The following DDX31 variants were observed in gnomAD, a reference collection of about 807,000 sequenced individuals.
The protein encoded by DDX31 is DEAD-box helicase 31.
A neutral mutation model predicts 91.3 loss-of-function variants in DDX31; 70 were observed. The observed-to-expected ratio is 0.77, with a 90% CI of 0.63 to 0.94. DDX31 has a LOEUF of 0.94. Ranked by LOEUF, DDX31 falls within the 40% of genes least tolerant of loss-of-function variation. The pLI is 0.00. For synonymous variants in DDX31, 362 were observed against 350.6 expected, an observed-to-expected ratio of 1.03 and a Z score of -0.36; for missense variants, 902 against 925.0, an observed-to-expected ratio of 0.98 and a Z score of 0.32.
At chr9:132,612,356 G>T (rs1161315233) in intron 18 of DDX31, 101 bp from the exon 19 acceptor site, 3 of 1,361,526 alleles carry the variant, frequency 2.2e-6, no homozygotes, top group Non-Finnish European at 3.1e-6. Flanking sequence ...ATCTTGCCAG[G>T]CAACGAAACA....
At chr9:132,615,206 T>C (rs898673034) in intron 18 of DDX31, among the ~76,000 whole-genome samples, 4 of 152,200 alleles carry the variant, frequency 2.6e-5, no homozygotes, top group Non-Finnish European at 5.9e-5. Context: ...TTTTCAAGTA[T>C]CTCACATGGA....
chr9:132,626,129 A>T (rs1832375614), intron 16 of DDX31, among the ~76,000 whole-genome samples: 1 of 143,608 alleles, frequency 7.0e-6, no homozygotes, highest in African/African-American at 2.8e-5. Context: ...TTTAGTTTAT[A>T]CTGAAGAGGA....
chr9:132,610,267 C>T (rs986668738), intron 19 of DDX31, among the ~76,000 whole-genome samples: 2 of 152,210 alleles, frequency 1.3e-5, no homozygotes, highest in Non-Finnish European at 2.9e-5. Flanking sequence ...CTTTGGGCTG[C>T]AGCCCTGCTC....
intron 19 of DDX31, among the ~76,000 whole-genome samples, chr9:132,599,911 C>A (rs1301384769): frequency 1.3e-5 from 2 of 152,382 alleles, no homozygotes; most frequent in African/African-American, 4.8e-5. Context: ...ACCGTGAGGA[C>A]TTCAGGTGGC....
chr9:132,605,094 G>A (rs1004212968), intron 19 of DDX31, among the ~76,000 whole-genome samples: 15 of 152,094 alleles, frequency 9.9e-5, no homozygotes, highest in African/African-American at 3.4e-4. Context: ...CACCAGGCAG[G>A]GTTTGCTGTT....
At position 132,595,599 on chromosome 9, in the gene DDX31, A is replaced by G. The variant is rs1160934758; in HGVS notation, c.1995-487T>C. 1.3e-5 allele frequency among the ~76,000 whole-genome samples: 2 copies of G among 152,190 alleles called. No individual in the cohort carries two copies. Among genetic ancestry groups the G allele is most frequent in the African/African-American group, 4.8e-5 (2 of 41,448 alleles). ...GCGGGAGCAGAGTCCAGCAAGTTCC[A>G]CGCAGCCCTCCAGGGTTCCACAGTG... is the stretch of plus-strand genomic sequence containing the variant. On this transcript the variant is annotated intron_variant, in intron 19 of 19. Coordinates refer to ENST00000372159, the MANE Select transcript of DDX31 (RefSeq NM_022779.9). The surrounding 1 kb of genome is among the most constrained non-coding windows in gnomAD (Gnocchi z 4.6).
rs1424378156 is a variant in DDX31, at chr9:132,630,485, C to T, written c.1492-82G>A. ...GAAGTGCAATACTCCTCACCTGCCT[C>T]CAGGTATCCCAAGAATTAAATCCTG... On this transcript the variant is annotated intron_variant, in intron 15 of 19. Coordinates refer to ENST00000372159, the MANE Select transcript of DDX31 (RefSeq NM_022779.9). 3.0e-6 allele frequency: 4 copies of T among 1,328,278 alleles called. No individual in the cohort carries two copies. The East Asian group carries it at 7.4e-5, about 25-fold the overall frequency. 82.3% of individuals were successfully genotyped at this position (1,328,278 alleles called of 1,614,324 possible).
At chr9:132,654,614 A>T (rs143593206) in intron 6 of DDX31, among the ~76,000 whole-genome samples, 25 of 151,630 alleles carry the variant, frequency 1.6e-4, no homozygotes, top group African/African-American at 5.8e-4. Context: ...CTTCATCTCA[A>T]ACAAAACAAA....
At chr9:132,649,558 A>G (rs1834053836) in intron 9 of DDX31, among the ~76,000 whole-genome samples, 1 of 152,198 alleles carries the variant, frequency 6.6e-6, no homozygotes, top group South Asian at 2.1e-4. Flanking sequence ...GTGAAAGAAA[A>G]ATAAAACTTG....
intron 6 of DDX31, among the ~76,000 whole-genome samples, chr9:132,654,446 A>G (rs1834419031): frequency 6.6e-6 from 1 of 151,854 alleles, no homozygotes; most frequent in South Asian, 2.1e-4. Context: ...CCCTGTCTCT[A>G]CAGAAATACA....
intron 14 of DDX31, chr9:132,637,957 G>A: frequency 2.0e-6 from 2 of 1,011,112 alleles, no homozygotes; most frequent in Non-Finnish European, 2.4e-6. Flanking sequence ...TGGCACGGTG[G>A]AAATTCCCCA....
chr9:132,643,379 A>C (rs1335179543), intron 13 of DDX31, among the ~76,000 whole-genome samples: 1 of 152,208 alleles, frequency 6.6e-6, no homozygotes, highest in East Asian at 1.9e-4. Context: ...CAAACTACTC[A>C]AAATCTGGAA....
At position 132,625,666 on chromosome 9, in the gene DDX31, G is replaced by C; in HGVS notation, c.1711C>G (p.Gln571Glu). Residue 571 changes from glutamine (Q) to glutamate (E), a missense_variant and splice_region_variant, in exon 17 of 20, where the codon CAG becomes GAG. By Grantham distance (29) the Gln-to-Glu change is conservative. Coordinates refer to ENST00000372159, the MANE Select transcript of DDX31 (RefSeq NM_022779.9). The part of the protein sequence containing the change: ...DCFKGKRWGA[Q>E]KSHAVGPQEI... ...GCACAATAAATAACAAAACTCACCTGGGCTCCCCATCGTTTCCCTTTAAAA... is the reference window on the plus strand; with the variant it reads ...GCACAATAAATAACAAAACTCACCTCGGCTCCCCATCGTTTCCCTTTAAAA... 6.2e-7 allele frequency: 1 copy of C among 1,613,282 alleles called. No individual in the cohort carries two copies. The highest frequency in any genetic ancestry group is 8.5e-7 in the Non-Finnish European group (1 of 1,179,426).
Position 132,669,205 on chromosome 9 carries a change from TCTAG to T in DDX31, c.75+651_75+654del, listed in dbSNP as rs1256378570. ...ATTGGGAGGGCCTGGAAGAAAAAGA[TCTAG>T]CTATGTTAATAGAGATTCTTTGCAG... On this transcript the variant is annotated intron_variant, in intron 1 of 19. Coordinates refer to ENST00000372159, the MANE Select transcript of DDX31 (RefSeq NM_022779.9). 2.0e-5 allele frequency among the ~76,000 whole-genome samples: 3 copies of T among 152,162 alleles called. No individual in the cohort carries two copies. The East Asian group carries it at 5.8e-4, about 29-fold the overall frequency.
chr9:132,667,028 T>C (rs930680896), intron 1 of DDX31, among the ~76,000 whole-genome samples: 1 of 151,570 alleles, frequency 6.6e-6, no homozygotes, highest in Admixed American at 6.6e-5. Flanking sequence ...TTTGTATTTT[T>C]AGTAGAGATG....
chr9:132,638,283 T>G (rs1004297468), intron 14 of DDX31: 4 of 1,610,348 alleles, frequency 2.5e-6, no homozygotes, highest in Non-Finnish European at 3.4e-6. Flanking sequence ...GGCCATTCGG[T>G]GGTACTTCTT....
chr9:132,595,576 G>A lies in DDX31; in HGVS notation c.1995-464C>T, dbSNP rs1473460065. Among the ~76,000 whole-genome samples the A allele has an allele frequency of 7.2e-5, 11 of 152,206 alleles. No individual in the cohort carries two copies. The highest frequency in any genetic ancestry group is 2.2e-4 in the African/African-American group (9 of 41,464). On this transcript the variant is annotated intron_variant, in intron 19 of 19. Transcript: ENST00000372159. This position sits in a 1 kb window ranked among gnomAD's most constrained non-coding sequence, Gnocchi z 4.6. Reference sequence around the variant, plus strand: ...TGAGGGCTTCAGGACTCAGCCCTGCGGGAGCAGAGTCCAGCAAGTTCCACG... The same window carrying A: ...TGAGGGCTTCAGGACTCAGCCCTGCAGGAGCAGAGTCCAGCAAGTTCCACG...
chr9:132,646,191 T>C (rs1426492692), intron 12 of DDX31, 120 bp from the exon 13 acceptor site: 4 of 1,080,554 alleles, frequency 3.7e-6, no homozygotes, highest in African/African-American at 3.2e-5. Flanking sequence ...GGTGACTATC[T>C]TTGAATTATT....
At chr9:132,596,827 C>T (rs1053521093) in intron 19 of DDX31, among the ~76,000 whole-genome samples, 1 of 152,080 alleles carries the variant, frequency 6.6e-6, no homozygotes, top group African/African-American at 2.4e-5. Context: ...GACAGTGGGG[C>T]AGGAGCCAGG....
Sources: allele counts gnomAD v4.1 joint callset (sites outside exome capture counted in the v4.1 genomes callset), GRCh38; gene constraint gnomAD v4.1.1; non-coding constraint Gnocchi (gnomAD v3.1); transcripts MANE v1.5; gene names NCBI Gene and HGNC (gene_info 2026-07-23, HGNC 2026-07-21).